The following SEPTIN9 variants were observed in gnomAD, a reference collection of about 807,000 sequenced individuals.
SEPTIN9 encodes septin-9.
SEPTIN9 carries 13 observed loss-of-function variants against 56.6 expected under a neutral mutation model. That is an observed-to-expected ratio of 0.23 (90% CI 0.15 to 0.37). SEPTIN9 has a LOEUF of 0.37. Among genes scored for constraint, SEPTIN9 ranks in the 10% least tolerant of loss-of-function variants. SEPTIN9 has a pLI of 1.00. For missense variants in SEPTIN9, 650 were observed against 823.1 expected (o/e 0.79, Z 2.57); for synonymous variants, 332 against 334.1 (o/e 0.99, Z 0.07).
At chr17:77,415,968 G>A (rs906356571) in intron 3 of SEPTIN9, among the ~76,000 whole-genome samples, 51 of 152,216 alleles carry the variant, frequency 3.4e-4, no homozygotes, top group Non-Finnish European at 7.1e-4. Context: ...AAGAGCTCAG[G>A]AATCAACACA....
In SEPTIN9 at chr17:77,499,037, G is replaced by A; in HGVS notation, c.*379G>A. The A allele has an allele frequency of 1.9e-6, 1 of 538,174 alleles. No individual in the cohort carries two copies. The highest frequency in any genetic ancestry group is 1.5e-5 in the South Asian group (1 of 65,250). The allele number at this position is 538,174 out of a possible 1,614,324, so 33.3% of individuals were successfully genotyped here. A position where few individuals can be genotyped will look rare whatever the true frequency, so the allele number is the denominator to read the frequency against. On this transcript the variant is annotated 3_prime_UTR_variant, in exon 12 of 12. Coordinates refer to ENST00000427177, the MANE Select transcript of SEPTIN9 (RefSeq NM_001113491.2). ...GGGGTGGGGGCCAGGCCTCGCACTTGCAGAGGAGCCCAGTGGGCTGCACGC... is the reference window on the plus strand; with the variant it reads ...GGGGTGGGGGCCAGGCCTCGCACTTACAGAGGAGCCCAGTGGGCTGCACGC...
In SEPTIN9 at chr17:77,360,182, C is replaced by G. The variant is rs2034370279; in HGVS notation, c.77-41877C>G. Among the ~76,000 whole-genome samples the G allele has an allele frequency of 4.6e-5, 7 of 151,376 alleles. No homozygotes were observed. The South Asian group carries it at 1.5e-3, about 32-fold the overall frequency. On this transcript the variant is annotated intron_variant, in intron 2 of 11. Coordinates refer to ENST00000427177, the MANE Select transcript of SEPTIN9 (RefSeq NM_001113491.2). ...CAAAAAAAAAAAAAAAAAGCAAACC[C>G]AGGGCCAGGTCTGTAGCCACATGGC...
At chr17:77,341,340 G>A (rs2033717299) in intron 2 of SEPTIN9, among the ~76,000 whole-genome samples, 1 of 152,172 alleles carries the variant, frequency 6.6e-6, no homozygotes, top group Admixed American at 6.5e-5. Context: ...CAGGGAATAG[G>A]GATGCCTGAG....
In SEPTIN9 at chr17:77,421,288, C is replaced by T. The variant is rs559744552; in HGVS notation, c.721+18585C>T. Among the ~76,000 whole-genome samples, 2 of 152,262 alleles carry T rather than the reference C, an allele frequency of 1.3e-5. No individual in the cohort carries two copies. The highest frequency in any genetic ancestry group is 1.9e-4 in the East Asian group (1 of 5,182). ...TGCCCTGGATTTTGAAATAAGACAC[C>T]GCCCGTCTGTGGGGTGAGCAGGAAC... is the stretch of plus-strand genomic sequence containing the variant. On this transcript the variant is annotated intron_variant, in intron 3 of 11. Transcript: ENST00000427177. This position sits in a 1 kb window ranked among gnomAD's most constrained non-coding sequence, Gnocchi z 4.6.
In SEPTIN9 at chr17:77,389,943, G is replaced by A. The variant is rs577169844; in HGVS notation, c.77-12116G>A. ...GCTGATTTAGTAAAGAAAAGAGGAA[G>A]TCCAGCAACTTAGCGCCACTTTAAA... is the stretch of plus-strand genomic sequence containing the variant. On this transcript the variant is annotated intron_variant, in intron 2 of 11. Coordinates refer to ENST00000427177, the MANE Select transcript of SEPTIN9 (RefSeq NM_001113491.2). This position sits in a 1 kb window ranked among gnomAD's most constrained non-coding sequence, Gnocchi z 4.3. Among the ~76,000 whole-genome samples, 1 of 152,288 alleles carries A rather than the reference G, an allele frequency of 6.6e-6. No homozygotes were observed. Among genetic ancestry groups the A allele is most frequent in the East Asian group, 1.9e-4 (1 of 5,174 alleles).
Position 77,405,238 on chromosome 17 carries a change from GC to G in SEPTIN9, c.721+2538del. ...TGCCAGAGACTGTGCCGGGAGCCAG[GC>G]CCAGGGACACAACCTGCGGGCTCTG... On this transcript the variant is annotated intron_variant, in intron 3 of 11. Transcript: ENST00000427177. This position sits in a 1 kb window ranked among gnomAD's most constrained non-coding sequence, Gnocchi z 5.8. 1 of 1,056,452 alleles carries G rather than the reference GC, an allele frequency of 9.5e-7. No individual in the cohort carries two copies. Among genetic ancestry groups the G allele is most frequent in the Non-Finnish European group, 1.4e-6 (1 of 734,258 alleles). 65.4% of individuals were successfully genotyped at this position (1,056,452 alleles called of 1,614,324 possible).
In SEPTIN9 at chr17:77,480,288, A is replaced by G. The variant is rs556421012; in HGVS notation, c.722-1856A>G. ...TGCCTGTGAGGATAAACCAGCCCCC[A>G]GTTTCTGGCTTCCAGAGTCTTTTCC... is the stretch of plus-strand genomic sequence containing the variant. On this transcript the variant is annotated intron_variant, in intron 3 of 11. Coordinates refer to ENST00000427177, the MANE Select transcript of SEPTIN9 (RefSeq NM_001113491.2). Among the ~76,000 whole-genome samples, 10 of 152,300 alleles carry G rather than the reference A, an allele frequency of 6.6e-5. No homozygotes were observed. In the East Asian group the frequency reaches 1.4e-3, roughly 21 times the overall value.
intron 2 of SEPTIN9, among the ~76,000 whole-genome samples, chr17:77,362,021 C>T (rs1376793482): frequency 1.3e-5 from 2 of 152,212 alleles, no homozygotes; most frequent in African/African-American, 4.8e-5. Context: ...TGTTTCCTAC[C>T]CTCAGTGTTG....
chr17:77,337,368 T>A (rs967882306), intron 2 of SEPTIN9, among the ~76,000 whole-genome samples: 1 of 152,180 alleles, frequency 6.6e-6, no homozygotes, highest in Non-Finnish European at 1.5e-5. Flanking sequence ...GCTTATGAGA[T>A]ATCATCCTTT....
In SEPTIN9 at chr17:77,330,563, G is replaced by A. The variant is rs1396329649; in HGVS notation, c.76+23366G>A. Among the ~76,000 whole-genome samples, 2 of 152,242 alleles carry A rather than the reference G, an allele frequency of 1.3e-5. No individual in the cohort carries two copies. Among genetic ancestry groups the A allele is most frequent in the East Asian group, 1.9e-4 (1 of 5,200 alleles). On this transcript the variant is annotated intron_variant, in intron 2 of 11. Coordinates refer to ENST00000427177, the MANE Select transcript of SEPTIN9 (RefSeq NM_001113491.2). This position sits in a 1 kb window ranked among gnomAD's most constrained non-coding sequence, Gnocchi z 4.4. Reference sequence around the variant, plus strand: ...GCAGTGTTTCTGTTCACCTGGAAAGGATGGGTAGGACTTGGAGACAACAGG... The same window carrying A: ...GCAGTGTTTCTGTTCACCTGGAAAGAATGGGTAGGACTTGGAGACAACAGG...
intron 2 of SEPTIN9, among the ~76,000 whole-genome samples, chr17:77,398,362 A>C (rs2035792481): frequency 6.6e-6 from 1 of 152,192 alleles, no homozygotes; most frequent in Non-Finnish European, 1.5e-5. Context: ...GGGGAGCCGG[A>C]ACACACCCCT....
At chr17:77,463,112 C>G (rs942907474) in intron 3 of SEPTIN9, among the ~76,000 whole-genome samples, 3 of 152,266 alleles carry the variant, frequency 2.0e-5, no homozygotes, top group Admixed American at 6.5e-5. Flanking sequence ...TGTTCCTTTC[C>G]GCTGGGTGTA....
intron 3 of SEPTIN9, among the ~76,000 whole-genome samples, chr17:77,458,375 C>T (rs1348190415): frequency 6.6e-6 from 1 of 152,250 alleles, no homozygotes; most frequent in East Asian, 1.9e-4. Flanking sequence ...GGCACCGCCG[C>T]TGTCCTTGTG....
chr17:77,308,378 G>T lies in SEPTIN9; in HGVS notation c.76+1181G>T, dbSNP rs140685410. ...TCCTGCCAGGACAAGGCGCCTACGG[G>T]GGCAAGGGCATGTGCCCATCTGGAG... On this transcript the variant is annotated intron_variant, in intron 2 of 11. Coordinates refer to ENST00000427177, the MANE Select transcript of SEPTIN9 (RefSeq NM_001113491.2). 2.8e-3 allele frequency among the ~76,000 whole-genome samples: 423 copies of T among 152,316 alleles called. 3 individuals carry two copies. Among genetic ancestry groups the T allele is most frequent in the African/African-American group, 9.6e-3 (401 of 41,570 alleles).
chr17:77,425,332 G>C lies in SEPTIN9; in HGVS notation c.721+22629G>C, dbSNP rs906949510. On this transcript the variant is annotated intron_variant, in intron 3 of 11. Coordinates refer to ENST00000427177, the MANE Select transcript of SEPTIN9 (RefSeq NM_001113491.2). The surrounding 1 kb of genome is among the most constrained non-coding windows in gnomAD (Gnocchi z 4.2). ...AGCTGGACTCCCCAGATCTGTGGCT[G>C]TGGGGCCCTCTCCTGCCTGCAGCTG... 2.0e-5 allele frequency among the ~76,000 whole-genome samples: 3 copies of C among 152,222 alleles called. No individual in the cohort carries two copies. Among genetic ancestry groups the C allele is most frequent in the Non-Finnish European group, 2.9e-5 (2 of 68,028 alleles).
At chr17:77,349,700 A>T (rs2143797281) in intron 2 of SEPTIN9, among the ~76,000 whole-genome samples, 1 of 152,072 alleles carries the variant, frequency 6.6e-6, no homozygotes, top group East Asian at 1.9e-4. Flanking sequence ...TCAGGTGTAG[A>T]CTCTACTCCA....
In SEPTIN9 at chr17:77,310,195, T is replaced by C. The variant is rs1255302893; in HGVS notation, c.76+2998T>C. On this transcript the variant is annotated intron_variant, in intron 2 of 11. Transcript: ENST00000427177. This position sits in a 1 kb window ranked among gnomAD's most constrained non-coding sequence, Gnocchi z 4.7. ...CAGGGTTTCACCATGTTGGTCAGGCTGGTCTCATACCCCTGACCTCAGGTG... is the reference window on the plus strand; with the variant it reads ...CAGGGTTTCACCATGTTGGTCAGGCCGGTCTCATACCCCTGACCTCAGGTG... 6.6e-6 allele frequency among the ~76,000 whole-genome samples: 1 copy of C among 152,210 alleles called. No individual in the cohort carries two copies. The highest frequency in any genetic ancestry group is 1.5e-5 in the Non-Finnish European group (1 of 68,028).
chr17:77,457,782 C>G (rs1202235338), intron 3 of SEPTIN9, among the ~76,000 whole-genome samples: 1 of 152,266 alleles, frequency 6.6e-6, no homozygotes, highest in Non-Finnish European at 1.5e-5. Context: ...ACCGGGCACC[C>G]TGGTGCCCTC....
At chr17:77,360,781 G>T (rs2034390968) in intron 2 of SEPTIN9, among the ~76,000 whole-genome samples, 1 of 151,940 alleles carries the variant, frequency 6.6e-6, no homozygotes, top group African/African-American at 2.4e-5. Context: ...AGCCAGGATG[G>T]TCTCGATCTC....
Sources: gnomAD v4.1 joint callset for allele counts (sites outside exome capture counted in the v4.1 genomes callset) on GRCh38, gnomAD v4.1.1 for gene constraint, Gnocchi (gnomAD v3.1) non-coding constraint, MANE v1.5 for transcripts, NCBI Gene and HGNC (gene_info 2026-07-23, HGNC 2026-07-21) for gene names.